The following SMARCA2 variants were observed in gnomAD, a reference collection of about 807,000 sequenced individuals.
The protein encoded by SMARCA2 is SWI/SNF related BAF chromatin remodeling complex subunit ATPase 2.
SMARCA2 carries 61 observed loss-of-function variants against 199.8 expected under a neutral mutation model. That is an observed-to-expected ratio of 0.31 (90% CI 0.25 to 0.38). The LOEUF (loss-of-function observed/expected upper bound fraction) is 0.38, where lower values mean the gene tolerates loss of function less well. Ranked by LOEUF, SMARCA2 falls within the 10% of genes least tolerant of loss-of-function variation. The pLI, the probability that SMARCA2 is intolerant of heterozygous loss-of-function variation, is 1.00. For missense variants in SMARCA2, 1,344 were observed against 2,012.2 expected, an observed-to-expected ratio of 0.67 and a Z score of 6.35; for synonymous variants, 935 against 732.0, an observed-to-expected ratio of 1.28 and a Z score of -4.48.
intron 28 of SMARCA2, among the ~76,000 whole-genome samples, chr9:2,168,020 T>C (rs1586781622): frequency 6.8e-6 from 1 of 146,356 alleles, no homozygotes; most frequent in African/African-American, 2.6e-5. Flanking sequence ...GGAAATGAGC[T>C]TTTTTTCTTT....
Position 2,062,067 on chromosome 9 carries a change from A to T in SMARCA2, c.1692+1081A>T, listed in dbSNP as rs146575433. Among the ~76,000 whole-genome samples, 615 of 152,302 alleles carry T rather than the reference A, an allele frequency of 4.0e-3. 10 individuals are homozygous for T. Among genetic ancestry groups the T allele is most frequent in the African/African-American group, 0.014 (595 of 41,570 alleles). Reference sequence around the variant, plus strand: ...CAGCTCCAATTCCTACCTTAAAAAGATGTTTTCAGAGTTAGTGAGGAACAT... The same window carrying T: ...CAGCTCCAATTCCTACCTTAAAAAGTTGTTTTCAGAGTTAGTGAGGAACAT... On this transcript the variant is annotated intron_variant, in intron 9 of 33. Coordinates refer to ENST00000349721, the MANE Select transcript of SMARCA2 (RefSeq NM_003070.5).
chr9:2,037,788 T>G (rs142263897), intron 3 of SMARCA2, among the ~76,000 whole-genome samples: 113 of 152,348 alleles, frequency 7.4e-4, no homozygotes, highest in African/African-American at 2.6e-3. Context: ...TAATGCCATA[T>G]TCTGGGACAC....
intron 27 of SMARCA2, chr9:2,158,819 G>C: frequency 1.3e-6 from 1 of 798,668 alleles, no homozygotes; most frequent in Non-Finnish European, 1.9e-6. Context: ...AAAAGCATTG[G>C]GAAGTGTTTA....
chr9:2,145,433 TAGAA>T (rs1428492078), intron 27 of SMARCA2, among the ~76,000 whole-genome samples: 1 of 152,078 alleles, frequency 6.6e-6, no homozygotes, highest in African/African-American at 2.4e-5. Context: ...ATGTGGGAAT[TAGAA>T]AGCTTTTGGC....
intron 27 of SMARCA2, among the ~76,000 whole-genome samples, chr9:2,150,840 G>T (rs942323728): frequency 7.3e-5 from 11 of 151,446 alleles, no homozygotes; most frequent in African/African-American, 2.7e-4. Context: ...CTTGTAAATG[G>T]CTACCTCCTT....
rs1417006108 is a variant in SMARCA2, at chr9:2,047,328, C to A, written c.890C>A (p.Pro297Gln). The A allele has an allele frequency of 1.7e-5, 19 of 1,107,398 alleles. No homozygotes were observed. The East Asian group carries it at 4.0e-4, about 23-fold the overall frequency. The allele number at this position is 1,107,398 out of a possible 1,614,324, so 68.6% of individuals were successfully genotyped here. Residue 297 changes from proline to glutamine, a missense_variant, in exon 5 of 34, where the codon CCG becomes CAG. By Grantham distance (76) the Pro-to-Gln change is moderately conservative (BLOSUM62 -1). Coordinates refer to ENST00000349721, the MANE Select transcript of SMARCA2 (RefSeq NM_003070.5). Reference sequence around the variant, plus strand: ...CCCGCGCCCCCCGCAGCCGCGCAGCCGCCCGCGGCCGCAGTGCCCGGGCCC... The same window carrying A: ...CCCGCGCCCCCCGCAGCCGCGCAGCAGCCCGCGGCCGCAGTGCCCGGGCCC... Reference protein sequence around the residue: ...PSPAPPAAAQPPAAAVPGPSV... With the variant: ...PSPAPPAAAQQPAAAVPGPSV...
chr9:2,181,499 G>GAAAT, intron 29 of SMARCA2, 72 bp from the exon 30 acceptor site: 4 of 799,164 alleles, frequency 5.0e-6, no homozygotes, highest in East Asian at 4.9e-5. Context: ...GACATGTTCT[G>GAAAT]AAATAAAAAT....
At chr9:2,044,126 A>G (rs142026379) in intron 4 of SMARCA2, 1 of 152,488 alleles carries the variant, frequency 6.6e-6, no homozygotes, top group Non-Finnish European at 1.5e-5. Context: ...ACAGACAGGC[A>G]TAAAACCTAA....
chr9:2,185,158 C>T (rs1158179797), intron 31 of SMARCA2, among the ~76,000 whole-genome samples: 1 of 152,138 alleles, frequency 6.6e-6, no homozygotes, highest in Admixed American at 6.6e-5. Context: ...TCTGAAACTG[C>T]GTGCCTACGA....
intron 27 of SMARCA2, among the ~76,000 whole-genome samples, chr9:2,154,532 C>G (rs191188033): frequency 4.9e-4 from 75 of 152,246 alleles, no homozygotes; most frequent in Admixed American, 2.2e-3. Flanking sequence ...ATTTGATGTT[C>G]TTAACCACGA....
intron 29 of SMARCA2, among the ~76,000 whole-genome samples, chr9:2,171,947 G>A (rs1018691714): frequency 2.0e-5 from 3 of 152,186 alleles, no homozygotes; most frequent in African/African-American, 7.2e-5. Flanking sequence ...GAGGGGAGAT[G>A]ACATGACGGT....
intron 9 of SMARCA2, among the ~76,000 whole-genome samples, chr9:2,064,913 G>C (rs571924233): frequency 6.6e-6 from 1 of 152,210 alleles, no homozygotes. Context: ...AGCTGGGTGC[G>C]GCGGCTCACG....
chr9:2,184,890 A>G (rs1827326606), intron 31 of SMARCA2, among the ~76,000 whole-genome samples: 1 of 151,926 alleles, frequency 6.6e-6, no homozygotes, highest in Admixed American at 6.6e-5. Flanking sequence ...TGTCATACTC[A>G]TACTCACTGC....
chr9:2,101,995 C>G (rs1822537504), intron 22 of SMARCA2, among the ~76,000 whole-genome samples: 1 of 152,146 alleles, frequency 6.6e-6, no homozygotes, highest in Non-Finnish European at 1.5e-5. Context: ...GAAGAAATCT[C>G]TCATCTGCTG....
intron 2 of SMARCA2, 69 bp downstream of exon 2, chr9:2,029,316 A>G: frequency 6.5e-7 from 1 of 1,548,746 alleles, no homozygotes; most frequent in Non-Finnish European, 8.7e-7. Flanking sequence ...TGATAACCCC[A>G]TCCCCCTTTC....
rs558005490 is a variant in SMARCA2 at position 2,034,773 on chromosome 9, C to T, written c.355+1692C>T. Among the ~76,000 whole-genome samples, 3 of 152,094 alleles carry T rather than the reference C, an allele frequency of 2.0e-5. No homozygotes were observed. The East Asian group carries it at 5.8e-4, about 30-fold the overall frequency. ...GCCTCCCCACTAGTATTTGAACAGG[C>T]TTTTGAACATCCCAGACTCTTATCT... On this transcript the variant is annotated intron_variant, in intron 3 of 33. Transcript: ENST00000349721.
At position 2,085,330 on chromosome 9, in the gene SMARCA2, T is replaced by C. The variant is rs545709090; in HGVS notation, c.2526+1134T>C. ...TCTGCATATGTATTTCAAGATTCAT[T>C]GGAGACGCCTGGTAATGAGATGCAC... On this transcript the variant is annotated intron_variant, in intron 17 of 33. Transcript: ENST00000349721. Among the ~76,000 whole-genome samples, 37 of 152,330 alleles carry C rather than the reference T, an allele frequency of 2.4e-4. No individual in the cohort carries two copies. The East Asian group carries it at 7.1e-3, about 29-fold the overall frequency.
chr9:2,071,514 G>A (rs1196451476), intron 10 of SMARCA2, among the ~76,000 whole-genome samples: 1 of 152,188 alleles, frequency 6.6e-6, no homozygotes, highest in Admixed American at 6.5e-5. Flanking sequence ...ACATGTTAGC[G>A]TAATAGTGTT....
intron 27 of SMARCA2, among the ~76,000 whole-genome samples, chr9:2,135,998 C>T (rs1586741302): frequency 6.6e-6 from 1 of 151,800 alleles, no homozygotes; most frequent in Non-Finnish European, 1.5e-5. Context: ...AGTGCCACCA[C>T]GCCCGGCTAA....
Sources: allele counts gnomAD v4.1 joint callset (sites outside exome capture counted in the v4.1 genomes callset), GRCh38; gene constraint gnomAD v4.1.1; transcripts MANE v1.5; gene names NCBI Gene and HGNC (gene_info 2026-07-23, HGNC 2026-07-21).